Variants in RASAL2 observed in about 807,000 individuals in gnomAD.
The protein encoded by RASAL2 is RAS protein activator like 2, also known as ras GTPase-activating protein nGAP.
RASAL2 carries 58 observed loss-of-function variants against 128.9 expected under a neutral mutation model. That is an observed-to-expected ratio of 0.45 (90% CI 0.36 to 0.56). The LOEUF is 0.56. Ranked by LOEUF, RASAL2 falls within the 20% of genes least tolerant of loss-of-function variation. RASAL2 has a pLI of 0.00. For synonymous variants in RASAL2, 561 were observed against 580.8 expected, an observed-to-expected ratio of 0.97 and a Z score of 0.49; for missense variants, 1,360 against 1,601.6, an observed-to-expected ratio of 0.85 and a Z score of 2.57.
intron 1 of RASAL2, among the ~76,000 whole-genome samples, chr1:178,240,349 A>G (rs981580910): frequency 2.0e-5 from 3 of 152,106 alleles, no homozygotes; most frequent in African/African-American, 7.2e-5. Flanking sequence ...TTTAGCCAAA[A>G]GGAACTTAAT....
chr1:178,175,231 A>T (rs1415741099), intron 1 of RASAL2, among the ~76,000 whole-genome samples: 2 of 152,008 alleles, frequency 1.3e-5, no homozygotes. Flanking sequence ...AATGCTGTTA[A>T]TTTAACTTTG....
chr1:178,113,334 G>A (rs560311782), intron 1 of RASAL2, among the ~76,000 whole-genome samples: 5 of 151,550 alleles, frequency 3.3e-5, no homozygotes, highest in African/African-American at 9.7e-5. Context: ...CATGCCCATA[G>A]GTCTTGTTCT....
At chr1:178,209,384 A>T (rs981648451) in intron 1 of RASAL2, among the ~76,000 whole-genome samples, 1 of 152,192 alleles carries the variant, frequency 6.6e-6, no homozygotes, top group African/African-American at 2.4e-5. Flanking sequence ...GAAATAGTGC[A>T]TTGGGATCAA....
intron 1 of RASAL2, among the ~76,000 whole-genome samples, chr1:178,168,386 A>G (rs1216071155): frequency 1.3e-5 from 2 of 151,970 alleles, no homozygotes; most frequent in Non-Finnish European, 2.9e-5. Flanking sequence ...GTTTATCAGA[A>G]ATATTACTAC....
chr1:178,166,076 C>T (rs1450792763), intron 1 of RASAL2, among the ~76,000 whole-genome samples: 1 of 152,124 alleles, frequency 6.6e-6, no homozygotes, highest in African/African-American at 2.4e-5. Flanking sequence ...TCCCTCATCT[C>T]ACCAAAGCCA....
intron 1 of RASAL2, among the ~76,000 whole-genome samples, chr1:178,146,449 T>G (rs980562728): frequency 6.6e-6 from 1 of 152,222 alleles, no homozygotes; most frequent in African/African-American, 2.4e-5. Context: ...TTAGAGAAAT[T>G]TTGGGATATA....
intron 1 of RASAL2, among the ~76,000 whole-genome samples, chr1:178,264,076 G>A (rs1366179351): frequency 6.6e-6 from 1 of 152,186 alleles, no homozygotes; most frequent in Non-Finnish European, 1.5e-5. Context: ...TATTTCAAGT[G>A]CTGCTTAGAT....
intron 5 of RASAL2, among the ~76,000 whole-genome samples, chr1:178,426,531 C>T (rs577240230): frequency 1.1e-4 from 16 of 152,056 alleles, no homozygotes; most frequent in Non-Finnish European, 1.9e-4. Context: ...TTGGATGATT[C>T]CATGTATAAG....
intron 1 of RASAL2, among the ~76,000 whole-genome samples, chr1:178,147,334 C>CA (rs1660765162): frequency 6.6e-6 from 1 of 151,674 alleles, no homozygotes; most frequent in Admixed American, 6.6e-5. Flanking sequence ...ACTAAAAATA[C>CA]AAAAAATTAG....
intron 2 of RASAL2, among the ~76,000 whole-genome samples, chr1:178,298,674 A>G (rs1667622525): frequency 1.3e-5 from 2 of 152,208 alleles, no homozygotes; most frequent in Non-Finnish European, 2.9e-5. Context: ...CATCTCTTAA[A>G]AGGAGATAAT....
chr1:178,138,929 T>C (rs576453928), intron 1 of RASAL2, among the ~76,000 whole-genome samples: 1 of 152,260 alleles, frequency 6.6e-6, no homozygotes, highest in South Asian at 2.1e-4. Context: ...CTGATTTATT[T>C]ATAATTTTAA....
intron 1 of RASAL2, among the ~76,000 whole-genome samples, chr1:178,214,714 A>G (rs573888029): frequency 1.5e-3 from 226 of 152,204 alleles, no homozygotes; most frequent in Non-Finnish European, 2.7e-3. Context: ...GCCTGCCACC[A>G]CGCTCGGCTA....
intron 3 of RASAL2, chr1:178,341,572 T>A: frequency 6.2e-7 from 1 of 1,613,942 alleles, no homozygotes; most frequent in South Asian, 1.1e-5. Context: ...AAGATCATGT[T>A]AGCACACCCA....
intron 4 of RASAL2, among the ~76,000 whole-genome samples, chr1:178,412,200 AG>A (rs1052580178): frequency 2.6e-5 from 4 of 152,184 alleles, no homozygotes; most frequent in African/African-American, 9.6e-5. Flanking sequence ...ATTACAAGCT[AG>A]GGGCTAAAGT....
intron 4 of RASAL2, among the ~76,000 whole-genome samples, chr1:178,416,226 TA>T (rs1484096069): frequency 6.6e-6 from 1 of 152,118 alleles, no homozygotes. Context: ...CAGTTATACT[TA>T]TTTTTTAAAA....
intron 5 of RASAL2, among the ~76,000 whole-genome samples, chr1:178,424,125 C>T (rs1193998222): frequency 6.6e-6 from 1 of 151,896 alleles, no homozygotes; most frequent in Non-Finnish European, 1.5e-5. Context: ...CTTTATTTTT[C>T]CCTTCTTCAA....
At chr1:178,431,748 T>G (rs1215638946) in intron 5 of RASAL2, among the ~76,000 whole-genome samples, 1 of 151,884 alleles carries the variant, frequency 6.6e-6, no homozygotes, top group Non-Finnish European at 1.5e-5. Context: ...AGACAAAGTA[T>G]ATCTGTAGGT....
chr1:178,380,218 C>G (rs975454582), intron 3 of RASAL2, among the ~76,000 whole-genome samples: 1 of 151,970 alleles, frequency 6.6e-6, no homozygotes, highest in Admixed American at 6.6e-5. Context: ...TAGAATGATG[C>G]ATAGAAGGAA....
chr1:178,278,143 C>T (rs1363983628), intron 1 of RASAL2, among the ~76,000 whole-genome samples: 3 of 152,210 alleles, frequency 2.0e-5, no homozygotes, highest in Non-Finnish European at 2.9e-5. Flanking sequence ...TTATACGAAA[C>T]TGATGAGGGC....
Sources: gnomAD v4.1 joint callset for allele counts (sites outside exome capture counted in the v4.1 genomes callset) on GRCh38, gnomAD v4.1.1 for gene constraint, MANE v1.5 for transcripts, NCBI Gene and HGNC (gene_info 2026-07-23, HGNC 2026-07-21) for gene names.